The following RAD51B variants were observed in gnomAD, a reference collection of about 807,000 sequenced individuals.
The protein encoded by RAD51B is DNA repair protein RAD51 homolog 2.
RAD51B carries 38 observed loss-of-function variants against 42.2 expected under a neutral mutation model. The observed-to-expected ratio is 0.90, with a 90% CI of 0.70 to 1.18. The LOEUF (loss-of-function observed/expected upper bound fraction) is 1.18, where lower values mean the gene tolerates loss of function less well. Ranked by LOEUF, RAD51B falls within the 50% of genes most tolerant of loss-of-function variation. The pLI is 0.00. For synonymous variants in RAD51B, 154 were observed against 145.2 expected (o/e 1.06, Z -0.43); for missense variants, 373 against 400.7 (o/e 0.93, Z 0.59).
At chr14:68,278,175 A>G (rs1323453338) in intron 7 of RAD51B, among the ~76,000 whole-genome samples, 1 of 152,246 alleles carries the variant, frequency 6.6e-6, no homozygotes, top group Non-Finnish European at 1.5e-5. Context: ...TATCTAGAGA[A>G]AAAAATGTAC....
rs1240463846 is a variant in RAD51B, at chr14:68,136,623, T to C, written c.757-155261T>C. On this transcript the variant is annotated intron_variant, in intron 7 of 10. Coordinates refer to ENST00000471583, the MANE Select transcript of RAD51B (RefSeq NM_133510.4). ...AAAAGAAGTAGACCAGCCATACTTT[T>C]AAAAGCTTATTGTAACAAACACATA... Among the ~76,000 whole-genome samples the C allele has an allele frequency of 3.4e-5, 2 of 59,188 alleles. 1 individual carries two copies. The highest frequency in any genetic ancestry group is 7.5e-5 in the African/African-American group (2 of 26,550). 38.8% of individuals were successfully genotyped at this position (59,188 alleles called of 152,430 possible).
intron 4 of RAD51B, among the ~76,000 whole-genome samples, chr14:67,860,076 C>T (rs1159149970): frequency 5.3e-5 from 8 of 152,188 alleles, no homozygotes; most frequent in Non-Finnish European, 1.2e-4. Context: ...CCCACCTCGG[C>T]CTCCCAAAGT....
At chr14:68,613,734 G>A (rs1035092297), downstream of RAD51B, among the ~76,000 whole-genome samples, 1 of 152,166 alleles carries the variant, frequency 6.6e-6, no homozygotes, top group East Asian at 1.9e-4. Flanking sequence ...GATTACAGGC[G>A]TGAGCCACCC....
intron 8 of RAD51B, among the ~76,000 whole-genome samples, chr14:68,313,117 G>A (rs995663662): frequency 3.3e-5 from 5 of 152,102 alleles, no homozygotes; most frequent in African/African-American, 1.2e-4. Flanking sequence ...ACATTATTTC[G>A]GTTTCAAGCA....
intron 7 of RAD51B, among the ~76,000 whole-genome samples, chr14:68,268,193 A>T (rs1230983981): frequency 6.6e-6 from 1 of 152,206 alleles, no homozygotes; most frequent in Non-Finnish European, 1.5e-5. Context: ...GACACCTAAC[A>T]TATCCAGGTC....
intron 9 of RAD51B, among the ~76,000 whole-genome samples, chr14:68,442,102 T>G (rs778632184): frequency 3.9e-5 from 6 of 152,162 alleles, no homozygotes; most frequent in Non-Finnish European, 7.3e-5. Flanking sequence ...GGGCAATTCT[T>G]AAAGATACAA....
At chr14:68,336,616 C>T (rs538503419) in intron 8 of RAD51B, among the ~76,000 whole-genome samples, 18 of 152,360 alleles carry the variant, frequency 1.2e-4, no homozygotes, top group South Asian at 6.2e-4. Flanking sequence ...CAAATTCCTA[C>T]ATTTTGACAA....
At chr14:68,104,087 C>G (rs1340429887) in intron 7 of RAD51B, among the ~76,000 whole-genome samples, 1 of 152,140 alleles carries the variant, frequency 6.6e-6, no homozygotes, top group Non-Finnish European at 1.5e-5. Context: ...ATCCCAGAAA[C>G]TCAAGGTAAC....
In RAD51B at chr14:67,825,246, T is replaced by A. The variant is rs79415557; in HGVS notation, c.85-218T>A. 0.025 allele frequency among the ~76,000 whole-genome samples: 3,790 copies of A among 152,282 alleles called. 102 individuals carry two copies. The highest frequency in any genetic ancestry group is 0.067 in the African/African-American group (2,779 of 41,522). On this transcript the variant is annotated intron_variant, in intron 2 of 10. Transcript: ENST00000471583. The stretch of plus-strand genomic sequence containing the variant: ...ATTATTTGGTGTATCCTCTGGTATA[T>A]GCCAACTAAACAGGATAATTAGAAG...
intron 5 of RAD51B, among the ~76,000 whole-genome samples, chr14:67,865,387 C>A (rs1251337467): frequency 6.6e-6 from 1 of 151,500 alleles, no homozygotes; most frequent in African/African-American, 2.4e-5. Context: ...CAGGTATGCA[C>A]CACCACACCT....
intron 7 of RAD51B, among the ~76,000 whole-genome samples, chr14:68,074,064 T>C (rs1340135738): frequency 6.6e-6 from 1 of 152,182 alleles, no homozygotes; most frequent in East Asian, 1.9e-4. Context: ...AATTTGTATG[T>C]CAACCTCTCT....
chr14:68,347,483 A>G (rs530914859), intron 8 of RAD51B, among the ~76,000 whole-genome samples: 1 of 152,274 alleles, frequency 6.6e-6, no homozygotes, highest in South Asian at 2.1e-4. Flanking sequence ...GGAGTTTGAG[A>G]CCAGCCTGAG....
intron 8 of RAD51B, among the ~76,000 whole-genome samples, chr14:68,352,501 C>T (rs1423379260): frequency 6.6e-6 from 1 of 152,188 alleles, no homozygotes; most frequent in Non-Finnish European, 1.5e-5. Flanking sequence ...AAGTCTCTTC[C>T]CAAAAGAAAC....
chr14:68,307,484 G>A (rs1293692217), intron 8 of RAD51B, among the ~76,000 whole-genome samples: 1 of 152,102 alleles, frequency 6.6e-6, no homozygotes, highest in East Asian at 1.9e-4. Context: ...CAGCTGCCTT[G>A]TTTCACATCT....
chr14:68,230,248 A>G (rs1028394472), intron 7 of RAD51B, among the ~76,000 whole-genome samples: 1 of 152,208 alleles, frequency 6.6e-6, no homozygotes, highest in Non-Finnish European at 1.5e-5. Flanking sequence ...TGAAAGGAAA[A>G]AAGAGTAATT....
chr14:68,012,734 T>G (rs10143455), intron 7 of RAD51B, among the ~76,000 whole-genome samples: 41,645 of 152,022 alleles, frequency 0.27, 7,464 homozygotes, highest in African/African-American at 0.51. Context: ...CATAACTTTT[T>G]GTGGTGCTTC....
At chr14:68,540,185 TTTTTTTA>T in intron 10 of RAD51B, 1 of 954,262 alleles carries the variant, frequency 1.0e-6, no homozygotes, top group Non-Finnish European at 1.3e-6. Flanking sequence ...TTTTTTTTTT[TTTTTTTA>T]AATACAGGAT....
At chr14:68,508,425 G>A (rs1252933592) in intron 10 of RAD51B, among the ~76,000 whole-genome samples, 1 of 152,172 alleles carries the variant, frequency 6.6e-6, no homozygotes, top group Non-Finnish European at 1.5e-5. Flanking sequence ...TGAGGTACAG[G>A]CCACTCGCTA....
chr14:68,468,695 A>AT (rs2086047205), intron 10 of RAD51B: 1 of 313,464 alleles, frequency 3.2e-6, no homozygotes, highest in Non-Finnish European at 6.3e-6. Context: ...TGGCTCCATG[A>AT]GCCCTACTTC....
Sources: allele counts gnomAD v4.1 joint callset (sites outside exome capture counted in the v4.1 genomes callset), GRCh38; gene constraint gnomAD v4.1.1; transcripts MANE v1.5; gene names NCBI Gene and HGNC (gene_info 2026-07-23, HGNC 2026-07-21).